C5orf58: variants seen among roughly 807,000 people sequenced by gnomAD.
C5orf58 encodes putative uncharacterized protein C5orf58.
A neutral mutation model predicts 2.9 loss-of-function variants in C5orf58; 2 were observed. The ratio of observed to expected loss-of-function variants is 0.69; its 90% CI spans 0.28 to 2.18. The LOEUF (loss-of-function observed/expected upper bound fraction) is 2.18. Ranked by LOEUF, C5orf58 falls within the 30% of genes most tolerant of loss-of-function variation. The pLI, the probability that C5orf58 is intolerant of heterozygous loss-of-function variation, is 0.13. For synonymous variants in C5orf58, 37 were observed against 33.4 expected (o/e 1.11, Z -0.37); for missense variants, 96 against 91.7 (o/e 1.05, Z -0.19).
intron 2 of C5orf58, 128 bp from the exon 3 acceptor site, chr5:170,234,849 T>C (rs1459763688): frequency 2.0e-6 from 1 of 511,376 alleles, no homozygotes; most frequent in Non-Finnish European, 3.5e-6. Context: ...ATTCTAACCA[T>C]TTATAAAGAT....
intron 3 of C5orf58, among the ~76,000 whole-genome samples, chr5:170,243,843 C>T (rs1364391137): frequency 2.0e-5 from 3 of 147,650 alleles, no homozygotes; most frequent in South Asian, 2.3e-4. Flanking sequence ...GGTGATTTTG[C>T]TCATTAGTTG....
At chr5:170,242,158 T>C (rs1278965933) in intron 3 of C5orf58, among the ~76,000 whole-genome samples, 11 of 150,974 alleles carry the variant, frequency 7.3e-5, no homozygotes, top group Non-Finnish European at 1.6e-4. Flanking sequence ...AGCTTTTTGA[T>C]ATGCTGCTGG....
downstream of C5orf58, among the ~76,000 whole-genome samples, chr5:170,249,377 T>TATATATATATAG (rs1554139302): frequency 7.8e-6 from 1 of 127,572 alleles, no homozygotes; most frequent in African/African-American, 2.7e-5. Context: ...TATATATATA[T>TATATATATATAG]ATATCTACAT....
At position 170,251,245 on chromosome 5, in the gene C5orf58, A is replaced by ATATC. The variant is rs143147068; in HGVS notation, c.95-401_95-398dup. 9 of 212,812 alleles carry ATATC rather than the reference A, an allele frequency of 4.2e-5. No homozygotes were observed. The East Asian group carries it at 1.1e-3, about 27-fold the overall frequency. 13.2% of individuals were successfully genotyped at this position (212,812 alleles called of 1,614,324 possible). A position where few individuals can be genotyped will look rare whatever the true frequency, so the allele number is the denominator to read the frequency against. ...AATACTTTATTGGTTAACTCAAGAT[A>ATATC]TATCTTCCTAGTATTCCTGTGAGTT... On this transcript the variant is annotated intron_variant, in intron 2 of 2. Coordinates refer to the C5orf58 transcript ENST00000517575.
chr5:170,251,552 C>G, intron 2 of C5orf58: 2 of 443,982 alleles, frequency 4.5e-6, no homozygotes, highest in South Asian at 1.6e-5. Context: ...GTAAGGACTC[C>G]TTTAAACTAC....
Position 170,246,206 on chromosome 5 carries a change from C to CA in C5orf58, c.*97dup. On this transcript the variant is annotated 3_prime_UTR_variant, in exon 4 of 4. Transcript: ENST00000593851. ...TAATTTGTATATATATAATTTAAAACAAAATAAAAATAATGTAAACAAGCA... is the reference window on the plus strand; with the variant it reads ...TAATTTGTATATATATAATTTAAAACAAAAATAAAAATAATGTAAACAAGCA... 2 of 1,026,200 alleles carry CA rather than the reference C, an allele frequency of 1.9e-6. No homozygotes were observed. Among genetic ancestry groups the CA allele is most frequent in the Non-Finnish European group, 2.7e-6 (2 of 732,496 alleles). 63.6% of individuals were successfully genotyped at this position (1,026,200 alleles called of 1,614,324 possible). A position where few individuals can be genotyped will look rare whatever the true frequency, so the allele number is the denominator to read the frequency against.
At chr5:170,248,913 C>T (rs1761361405), downstream of C5orf58, 7 of 1,236,842 alleles carry the variant, frequency 5.7e-6, no homozygotes, top group South Asian at 5.1e-5. Flanking sequence ...TATGCTGCCT[C>T]TTCAAGTGAT....
chr5:170,248,660 A>T, downstream of C5orf58: 2 of 1,606,258 alleles, frequency 1.2e-6, no homozygotes, highest in Non-Finnish European at 1.7e-6. Context: ...TTGGCAACAG[A>T]GGCAGGAGGA....
downstream of C5orf58, chr5:170,251,191 T>A (rs181823864): frequency 7.7e-6 from 2 of 259,046 alleles, no homozygotes; most frequent in Non-Finnish European, 1.5e-5. Flanking sequence ...TAATGGGTGG[T>A]TGAGTGGATA....
chr5:170,252,539 A>G (rs554385605), downstream of C5orf58: 1 of 1,209,458 alleles, frequency 8.3e-7, no homozygotes, highest in South Asian at 1.3e-5. Context: ...TAGAAACTGA[A>G]TAAATTTTAC....
chr5:170,239,919 T>C (rs1356703762), intron 3 of C5orf58, among the ~76,000 whole-genome samples: 3 of 151,362 alleles, frequency 2.0e-5, no homozygotes, highest in African/African-American at 7.3e-5. Flanking sequence ...ATGCTATCCC[T>C]CCCCCGTCCC....
chr5:170,245,861 CTTGGAAA>C, intron 3 of C5orf58, 94 bp from the exon 4 acceptor site: 3 of 1,190,752 alleles, frequency 2.5e-6, no homozygotes, highest in Non-Finnish European at 3.6e-6. Flanking sequence ...TCACTAATCA[CTTGGAAA>C]TTAGGAATTA....
chr5:170,241,423 T>G (rs1761002893), intron 3 of C5orf58, among the ~76,000 whole-genome samples: 1 of 151,574 alleles, frequency 6.6e-6, no homozygotes, highest in South Asian at 2.1e-4. Flanking sequence ...GAAATGTTCT[T>G]CCATTTCTTT....
At chr5:170,249,796 C>T (rs1156839450), downstream of C5orf58, among the ~76,000 whole-genome samples, 1 of 152,174 alleles carries the variant, frequency 6.6e-6, no homozygotes, top group Non-Finnish European at 1.5e-5. Flanking sequence ...ACCTAGGAAC[C>T]CTAACAGGAT....
chr5:170,243,777 C>T (rs952557939), intron 3 of C5orf58, among the ~76,000 whole-genome samples: 2 of 151,038 alleles, frequency 1.3e-5, no homozygotes, highest in African/African-American at 4.9e-5. Context: ...AGTCCATTTA[C>T]ATTTAAAGTT....
chr5:170,250,127 ATGTT>A (rs1312270267), downstream of C5orf58, among the ~76,000 whole-genome samples: 1 of 152,186 alleles, frequency 6.6e-6, no homozygotes, highest in Non-Finnish European at 1.5e-5. Flanking sequence ...AACTTAGAGT[ATGTT>A]TGGGGCGTTA....
At chr5:170,240,444 C>A (rs1408726961) in intron 3 of C5orf58, among the ~76,000 whole-genome samples, 1 of 151,010 alleles carries the variant, frequency 6.6e-6, no homozygotes, top group Non-Finnish European at 1.5e-5. Context: ...CCTGTTGTTT[C>A]CTGACTTTTT....
downstream of C5orf58, among the ~76,000 whole-genome samples, chr5:170,249,328 C>CA (rs796502017): frequency 9.8e-4 from 133 of 135,280 alleles, no homozygotes; most frequent in African/African-American, 3.4e-3. Flanking sequence ...AACTCCATCT[C>CA]AAAAAAAAAT....
At chr5:170,234,777 T>A (rs1224654145) in intron 2 of C5orf58, among the ~76,000 whole-genome samples, 200 bp from the exon 3 acceptor site, 1 of 152,222 alleles carries the variant, frequency 6.6e-6, no homozygotes, top group East Asian at 1.9e-4. Context: ...TCCTACAAAT[T>A]CCAGTTGGAG....
Sources: allele counts gnomAD v4.1 joint callset (sites outside exome capture counted in the v4.1 genomes callset), GRCh38; gene constraint gnomAD v4.1.1; transcripts MANE v1.5; gene names NCBI Gene and HGNC (gene_info 2026-07-23, HGNC 2026-07-21).